Variants in EBF3 observed in about 807,000 individuals in gnomAD.
EBF3 encodes the protein transcription factor COE3.
A neutral mutation model predicts 77.1 loss-of-function variants in EBF3; 18 were observed. The ratio of observed to expected loss-of-function variants is 0.23; its 90% confidence interval spans 0.16 to 0.35. The LOEUF (loss-of-function observed/expected upper bound fraction) is 0.35. Among genes scored for constraint, EBF3 ranks in the 10% least tolerant of loss-of-function variants. EBF3 has a pLI of 1.00. For synonymous variants in EBF3, 350 were observed against 343.5 expected, an observed-to-expected ratio of 1.02 and a Z score of -0.21; for missense variants, 558 against 860.0, an observed-to-expected ratio of 0.65 and a Z score of 4.39.
chr10:129,905,837 G>A (rs577078777), intron 6 of EBF3, among the ~76,000 whole-genome samples: 5 of 152,290 alleles, frequency 3.3e-5, no homozygotes, highest in South Asian at 2.1e-4. Context: ...TTGGGCCCCC[G>A]AGGTGACATT....
intron 8 of EBF3, among the ~76,000 whole-genome samples, chr10:129,868,217 A>G (rs1159045960): frequency 6.6e-6 from 1 of 152,292 alleles, no homozygotes; most frequent in African/African-American, 2.4e-5. Context: ...TGCATGTGGC[A>G]TGTCGATTTA....
rs184324454 is a variant in EBF3 at position 129,929,298 on chromosome 10, G to A, written c.554+27960C>T. Among the ~76,000 whole-genome samples, 530 of 152,116 alleles carry A rather than the reference G, an allele frequency of 3.5e-3. 4 individuals carry two copies. Among genetic ancestry groups the A allele is most frequent in the African/African-American group, 0.012 (515 of 41,478 alleles). On this transcript the variant is annotated intron_variant, in intron 6 of 16. Transcript: ENST00000440978. ...CAGTTCACTGCAACCTGCACCTCCC[G>A]GGCTCAAGCCATCCTCCAACCTCAG...
chr10:129,948,102 C>G (rs779420949), intron 6 of EBF3, among the ~76,000 whole-genome samples: 3 of 151,632 alleles, frequency 2.0e-5, no homozygotes, highest in African/African-American at 7.3e-5. Flanking sequence ...ACTACAAATA[C>G]AAAAAATTAG....
chr10:129,884,621 T>C (rs1853443234), intron 6 of EBF3, among the ~76,000 whole-genome samples: 1 of 152,226 alleles, frequency 6.6e-6, no homozygotes, highest in Non-Finnish European at 1.5e-5. Flanking sequence ...GGCGGCAAGC[T>C]TGAATTTTAC....
Position 129,837,777 on chromosome 10 carries a change from A to G in EBF3, c.*166T>C. 2 of 853,088 alleles carry G rather than the reference A, an allele frequency of 2.3e-6. No homozygotes were observed. The highest frequency in any genetic ancestry group is 3.7e-6 in the Non-Finnish European group (2 of 546,540). 52.8% of individuals were successfully genotyped at this position (853,088 alleles called of 1,614,324 possible). A position where few individuals can be genotyped will look rare whatever the true frequency, so the allele number is the denominator to read the frequency against. On this transcript the variant is annotated 3_prime_UTR_variant, in exon 17 of 17. Transcript: ENST00000440978. ...TGCATGTTGATTCTTAATAGTTTAA[A>G]TAAAATCTTTAAACAAAGTCTTTTG... is the stretch of plus-strand genomic sequence containing the variant.
chr10:129,881,489 G>A (rs934702424), intron 6 of EBF3, among the ~76,000 whole-genome samples: 4 of 152,154 alleles, frequency 2.6e-5, no homozygotes, highest in Non-Finnish European at 5.9e-5. Flanking sequence ...CGCCAGGCGC[G>A]GCTTTCCCAG....
intron 6 of EBF3, among the ~76,000 whole-genome samples, chr10:129,924,430 CAAAAAA>C (rs956215243): frequency 9.2e-6 from 1 of 108,454 alleles, no homozygotes; most frequent in Non-Finnish European, 1.9e-5. Context: ...ACAACAACAA[CAAAAAA>C]AAAAAAAAAC....
chr10:129,875,488 G>A (rs568467691), intron 7 of EBF3, among the ~76,000 whole-genome samples: 26 of 152,266 alleles, frequency 1.7e-4, no homozygotes, highest in Non-Finnish European at 3.1e-4. Flanking sequence ...GAGCCACCGC[G>A]CCCGGCCGGC....
chr10:129,865,338 C>T (rs1198842687), intron 10 of EBF3, among the ~76,000 whole-genome samples: 1 of 152,094 alleles, frequency 6.6e-6, no homozygotes, highest in Non-Finnish European at 1.5e-5. Context: ...TTTTTGAACC[C>T]CATTGTGACA....
Position 129,926,394 on chromosome 10 carries a change from G to A in EBF3, c.554+30864C>T, listed in dbSNP as rs558327915. Among the ~76,000 whole-genome samples, 449 of 152,324 alleles carry A rather than the reference G, an allele frequency of 2.9e-3. 1 individual carries two copies. Among genetic ancestry groups the A allele is most frequent in the African/African-American group, 0.01 (420 of 41,582 alleles). On this transcript the variant is annotated intron_variant, in intron 6 of 16. Coordinates refer to ENST00000440978, the MANE Select transcript of EBF3 (RefSeq NM_001375380.1). The stretch of plus-strand genomic sequence containing the variant: ...GCTGGTGTGAAGGTGGGGGTGCAGG[G>A]AGAACAGGGGAGGCTTCAAGGTGTG...
intron 15 of EBF3, 67 bp downstream of exon 15, chr10:129,840,177 CA>C (rs2133940635): frequency 2.9e-3 from 4,119 of 1,423,640 alleles, no homozygotes; most frequent in Non-Finnish European, 3.6e-3. Context: ...GCCGAGCCCC[CA>C]CCCCCACTCC....
chr10:129,956,998 T>G (rs1295583605), intron 6 of EBF3, among the ~76,000 whole-genome samples: 2 of 152,204 alleles, frequency 1.3e-5, no homozygotes, highest in African/African-American at 2.4e-5. Context: ...CATAAAGTGC[T>G]CCTCACAGCG....
intron 6 of EBF3, among the ~76,000 whole-genome samples, chr10:129,945,740 C>T (rs1316494790): frequency 6.6e-6 from 1 of 152,198 alleles, no homozygotes; most frequent in Non-Finnish European, 1.5e-5. Context: ...GATCAGAACA[C>T]TCATATTTCC....
At chr10:129,850,194 C>T (rs1850766440) in intron 10 of EBF3, among the ~76,000 whole-genome samples, 3 of 152,232 alleles carry the variant, frequency 2.0e-5, no homozygotes, top group Admixed American at 2.0e-4. Context: ...GACTGTTTGA[C>T]TTAATGAATC....
chr10:129,873,426 A>T, intron 8 of EBF3, 26 bp downstream of exon 8: 2 of 1,487,730 alleles, frequency 1.3e-6, no homozygotes, highest in Non-Finnish European at 1.8e-6. Context: ...ATCGCAAATA[A>T]AAAAAGACAT....
At chr10:129,855,994 G>A (rs561793367) in intron 10 of EBF3, among the ~76,000 whole-genome samples, 14 of 152,240 alleles carry the variant, frequency 9.2e-5, no homozygotes, top group Admixed American at 2.0e-4. Context: ...CCAGGGTTGA[G>A]GACAGAGGCA....
rs1438374600 is a variant in EBF3, at chr10:129,836,579, AT to A, written c.*1363del. 3 of 140,278 alleles carry A rather than the reference AT, an allele frequency of 2.1e-5. No homozygotes were observed. Among genetic ancestry groups the A allele is most frequent in the Non-Finnish European group, 4.7e-5 (3 of 63,864 alleles). 8.7% of individuals were successfully genotyped at this position (140,278 alleles called of 1,614,324 possible). A position where few individuals can be genotyped will look rare whatever the true frequency, so the allele number is the denominator to read the frequency against. ...AAAATAATATAAAAATAAACAATGA[AT>A]TTGACTTTTCCTCAAAATAAAAAAA... On this transcript the variant is annotated 3_prime_UTR_variant, in exon 17 of 17. Transcript: ENST00000440978.
At chr10:129,852,330 G>A (rs937387535) in intron 10 of EBF3, among the ~76,000 whole-genome samples, 4 of 152,160 alleles carry the variant, frequency 2.6e-5, no homozygotes, top group African/African-American at 4.8e-5. Context: ...TCATCACACC[G>A]CACTTGATAC....
At chr10:129,898,860 G>T (rs986699035) in intron 6 of EBF3, among the ~76,000 whole-genome samples, 1 of 152,128 alleles carries the variant, frequency 6.6e-6, no homozygotes, top group Non-Finnish European at 1.5e-5. Flanking sequence ...TGCGCCTCCC[G>T]CAGCAAGGCT....
Sources: allele counts gnomAD v4.1 joint callset (sites outside exome capture counted in the v4.1 genomes callset), GRCh38; gene constraint gnomAD v4.1.1; transcripts MANE v1.5; gene names NCBI Gene and HGNC (gene_info 2026-07-23, HGNC 2026-07-21).